The following HOXC13 variants were observed in gnomAD, a reference collection of about 807,000 sequenced individuals.
HOXC13 encodes homeobox protein Hox-C13.
A neutral mutation model predicts 25.9 loss-of-function variants in HOXC13; 10 were observed. The observed-to-expected ratio is 0.39, with a 90% CI of 0.24 to 0.65. The LOEUF (loss-of-function observed/expected upper bound fraction) is 0.65, where lower values mean the gene tolerates loss of function less well. Ranked by LOEUF, HOXC13 falls within the 30% of genes least tolerant of loss-of-function variation. The probability of loss-of-function intolerance (pLI) is 0.50; values close to 1 mark genes in which losing one functional copy is unlikely to be tolerated. For missense variants in HOXC13, 439 were observed against 478.3 expected, an observed-to-expected ratio of 0.92 and a Z score of 0.77; for synonymous variants, 233 against 217.1, an observed-to-expected ratio of 1.07 and a Z score of -0.64.
intron 1 of HOXC13, among the ~76,000 whole-genome samples, chr12:53,943,977 G>C (rs960470291): frequency 2.0e-5 from 3 of 152,182 alleles, no homozygotes; most frequent in Non-Finnish European, 4.4e-5. Flanking sequence ...GTAGAAAATG[G>C]AGTTAGAAGT....
chr12:53,942,053 T>A (rs1565704396), intron 1 of HOXC13, among the ~76,000 whole-genome samples: 1 of 151,556 alleles, frequency 6.6e-6, no homozygotes, highest in East Asian at 1.9e-4. Context: ...ATCCAGATAA[T>A]TAGGGCCAAG....
At position 53,938,939 on chromosome 12, in the gene HOXC13, GC is replaced by G. The variant is rs769714605; in HGVS notation, c.35del (p.Pro12ArgfsTer127). 11 of 1,560,594 alleles carry G rather than the reference GC, an allele frequency of 7.0e-6. No individual in the cohort carries two copies. Among genetic ancestry groups the G allele is most frequent in the Non-Finnish European group, 8.6e-6 (10 of 1,160,284 alleles). ...CTTCGCTGCTCCTGCATCCACGCTG[GC>G]CGGAGAGCCTTATGTACGTCTATGA... is the stretch of plus-strand genomic sequence containing the variant. Reference protein sequence around the residue: ...TTSLLLHPRWPESLMYVYEDS... With the variant: ...TTSLLLHPRWXESLMYVYEDS... On this transcript the variant is annotated frameshift_variant, in exon 1 of 2. Coordinates refer to ENST00000243056, the MANE Select transcript of HOXC13 (RefSeq NM_017410.3). LOFTEE classifies it high-confidence loss of function.
Position 53,939,699 on chromosome 12 carries a change from C to T in HOXC13, c.736+57C>T. 1.6e-6 allele frequency: 2 copies of T among 1,287,408 alleles called. No individual in the cohort carries two copies. Among genetic ancestry groups the T allele is most frequent in the South Asian group, 6.2e-5 (2 of 32,426 alleles). The allele number at this position is 1,287,408 out of a possible 1,614,324, so 79.7% of individuals were successfully genotyped here. ...GGGGACCCCTCCCCGCCCTGCCTGCCCCGGGGCTCCGCGCCCCAACCACCC... is the reference window on the plus strand; with the variant it reads ...GGGGACCCCTCCCCGCCCTGCCTGCTCCGGGGCTCCGCGCCCCAACCACCC... On this transcript the variant is annotated intron_variant, in intron 1 of 1. Coordinates refer to ENST00000243056, the MANE Select transcript of HOXC13 (RefSeq NM_017410.3). The surrounding 1 kb of genome is among the most constrained non-coding windows in gnomAD (Gnocchi z 6.7).
At position 53,945,065 on chromosome 12, in the gene HOXC13, A is replaced by G. The variant is rs376367135; in HGVS notation, c.802A>G (p.Thr268Ala). Residue 268 changes from threonine (T) to alanine (A), a missense_variant, in exon 2 of 2, where the codon ACT becomes GCT. Thr to Ala is a moderately conservative substitution (Grantham distance 58, BLOSUM62 0). Transcript: ENST00000243056. This position sits in a 1 kb window ranked among gnomAD's most constrained non-coding sequence, Gnocchi z 4.4. Reference protein sequence around the residue: ...RRGRKKRVPYTKVQLKELEKE... With the variant: ...RRGRKKRVPYAKVQLKELEKE... Reference sequence around the variant, plus strand: ...CGGGCGCAAGAAACGCGTGCCCTACACTAAGGTGCAGCTGAAGGAGCTAGA... The same window carrying G: ...CGGGCGCAAGAAACGCGTGCCCTACGCTAAGGTGCAGCTGAAGGAGCTAGA... The G allele has an allele frequency of 1.1e-5, 17 of 1,613,988 alleles. No individual in the cohort carries two copies. Among genetic ancestry groups the G allele is most frequent in the African/African-American group, 2.7e-5 (2 of 74,900 alleles).
chr12:53,945,227 T>G lies in HOXC13; in HGVS notation c.964T>G (p.Ser322Ala). 3.1e-6 allele frequency: 5 copies of G among 1,613,902 alleles called. No homozygotes were observed. Among genetic ancestry groups the G allele is most frequent in the Non-Finnish European group, 4.2e-6 (5 of 1,179,964 alleles). ...CAAAGAGAAGAAGGTGGTCAGCAAA[T>G]CGAAAGCGCCTCATCTCCACTCCAC... ...RVKEKKVVSKSKAPHLHST is the reference protein window; with the variant it reads ...RVKEKKVVSKAKAPHLHST The change falls in exon 2 of 2, where the codon TCG becomes GCG. Residue 322 changes from serine to alanine, a missense_variant. By Grantham distance (99) the Ser-to-Ala change is moderately conservative. Coordinates refer to ENST00000243056, the MANE Select transcript of HOXC13 (RefSeq NM_017410.3). This position sits in a 1 kb window ranked among gnomAD's most constrained non-coding sequence, Gnocchi z 4.4.
At position 53,939,101 on chromosome 12, in the gene HOXC13, G is replaced by A. The variant is rs930793324; in HGVS notation, c.195G>A (p.Pro65=). The A allele has an allele frequency of 2.8e-6, 4 of 1,436,042 alleles. No individual in the cohort carries two copies. The highest frequency in any genetic ancestry group is 1.5e-5 in the African/African-American group (1 of 66,468). The allele number at this position is 1,436,042 out of a possible 1,614,324, so 89.0% of individuals were successfully genotyped here. A position where few individuals can be genotyped will look rare whatever the true frequency, so the allele number is the denominator to read the frequency against. The change falls in exon 1 of 2, where the codon CCG becomes CCA. Residue 65 remains proline, a synonymous_variant. Transcript: ENST00000243056. This position sits in a 1 kb window ranked among gnomAD's most constrained non-coding sequence, Gnocchi z 6.7. Reference sequence around the variant, plus strand: ...TGGATGGTCTGGGCAGCAGCTGCCCGGCCAGCCACTGCCGCGACCTGCTTC... The same window carrying A: ...TGGATGGTCTGGGCAGCAGCTGCCCAGCCAGCCACTGCCGCGACCTGCTTC... The part of the protein sequence containing the change: ...PSMDGLGSSC[P]ASHCRDLLPH...
At position 53,945,935 on chromosome 12, in the gene HOXC13, T is replaced by G. The variant is rs1938686297; in HGVS notation, c.*679T>G. On this transcript the variant is annotated 3_prime_UTR_variant, in exon 2 of 2. Coordinates refer to ENST00000243056, the MANE Select transcript of HOXC13 (RefSeq NM_017410.3). The surrounding 1 kb of genome is among the most constrained non-coding windows in gnomAD (Gnocchi z 4.4). ...AGAAACTGCATTTCCTGGGGCCAGG[T>G]GGGAGCTGCCTTTGCCCCACTGCCT... 1 of 232,270 alleles carries G rather than the reference T, an allele frequency of 4.3e-6. No individual in the cohort carries two copies. Among genetic ancestry groups the G allele is most frequent in the Non-Finnish European group, 8.5e-6 (1 of 117,660 alleles). The allele number at this position is 232,270 out of a possible 1,614,324, so 14.4% of individuals were successfully genotyped here. A position where few individuals can be genotyped will look rare whatever the true frequency, so the allele number is the denominator to read the frequency against.
Position 53,939,502 on chromosome 12 carries a change from G to A in HOXC13, c.596G>A (p.Gly199Glu). ...LDVSVVPGISGHPEPRHDALI... is the reference protein window; with the variant it reads ...LDVSVVPGISEHPEPRHDALI... Reference sequence around the variant, plus strand: ...GTGTCGGTGGTGCCCGGGATCAGCGGGCACCCGGAGCCGCGTCACGACGCC... The same window carrying A: ...GTGTCGGTGGTGCCCGGGATCAGCGAGCACCCGGAGCCGCGTCACGACGCC... Residue 199 changes from glycine to glutamate, a missense_variant, in exon 1 of 2, where the codon GGG (glycine) becomes GAG (glutamate). Gly to Glu is a moderately conservative substitution (Grantham distance 98). Transcript: ENST00000243056. This position sits in a 1 kb window ranked among gnomAD's most constrained non-coding sequence, Gnocchi z 6.7. 2 of 1,610,628 alleles carry A rather than the reference G, an allele frequency of 1.2e-6. No homozygotes were observed. Among genetic ancestry groups the A allele is most frequent in the Non-Finnish European group, 8.5e-7 (1 of 1,179,670 alleles).
intron 1 of HOXC13, among the ~76,000 whole-genome samples, chr12:53,941,904 C>T (rs536929651): frequency 8.8e-4 from 134 of 152,316 alleles, no homozygotes; most frequent in African/African-American, 3.2e-3. Flanking sequence ...TTCAAGATAA[C>T]TCTGTCTGTG....
intron 1 of HOXC13, among the ~76,000 whole-genome samples, chr12:53,942,311 G>A (rs1938625715): frequency 6.6e-6 from 1 of 150,704 alleles, no homozygotes; most frequent in Admixed American, 6.7e-5. Flanking sequence ...CACACTAGAA[G>A]TCTTTACTGA....
intron 1 of HOXC13, among the ~76,000 whole-genome samples, chr12:53,940,392 T>C (rs1938591047): frequency 2.0e-5 from 3 of 152,206 alleles, no homozygotes; most frequent in Admixed American, 2.0e-4. Flanking sequence ...AGTTAGTTAT[T>C]GGTGCCCCAG....
At chr12:53,942,800 A>G (rs1048615798) in intron 1 of HOXC13, among the ~76,000 whole-genome samples, 17 of 152,220 alleles carry the variant, frequency 1.1e-4, no homozygotes, top group African/African-American at 4.1e-4. Flanking sequence ...ATCCAGGACA[A>G]ATTGGCTAAA....
intron 1 of HOXC13, among the ~76,000 whole-genome samples, chr12:53,942,429 G>A (rs1338547632): frequency 6.6e-6 from 1 of 151,050 alleles, no homozygotes; most frequent in Non-Finnish European, 1.5e-5. Flanking sequence ...GGTCAAGGGT[G>A]GGTGGGCTGT....
chr12:53,939,242 C>G lies in HOXC13; in HGVS notation c.336C>G (p.Pro112=), dbSNP rs1484885844. The change falls in exon 1 of 2, where the codon CCC becomes CCG. Residue 112 remains proline, a synonymous_variant. Coordinates refer to ENST00000243056, the MANE Select transcript of HOXC13 (RefSeq NM_017410.3). This position sits in a 1 kb window ranked among gnomAD's most constrained non-coding sequence, Gnocchi z 6.7. ...AGTGTGCCCCGCCGCCCGCACCCCC[C>G]ACCTCGTCCAGCGCCACCCTGGGCT... ...ARQCAPPPAP[P]TSSSATLGYG... The G allele has an allele frequency of 1.9e-6, 3 of 1,543,688 alleles. No homozygotes were observed. The highest frequency in any genetic ancestry group is 1.7e-6 in the Non-Finnish European group (2 of 1,146,162).
chr12:53,938,966 G>T lies in HOXC13; in HGVS notation c.60G>T (p.Glu20Asp). 6.5e-7 allele frequency: 1 copy of T among 1,537,668 alleles called. No homozygotes were observed. Among genetic ancestry groups the T allele is most frequent in the Non-Finnish European group, 8.7e-7 (1 of 1,148,200 alleles). The change falls in exon 1 of 2, where the codon GAG becomes GAT. Residue 20 changes from glutamate (E) to aspartate (D), a missense_variant. By Grantham distance (45) the Glu-to-Asp change is conservative. Transcript: ENST00000243056. ...CGGAGAGCCTTATGTACGTCTATGA[G>T]GACAGCGCGGCGGAGAGCGGCATCG... is the stretch of plus-strand genomic sequence containing the variant. ...RWPESLMYVY[E>D]DSAAESGIGG...
Position 53,938,849 on chromosome 12 carries a change from T to A in HOXC13, c.-58T>A. 1.4e-6 allele frequency: 2 copies of A among 1,414,092 alleles called. No homozygotes were observed. Among genetic ancestry groups the A allele is most frequent in the Admixed American group, 4.5e-5 (2 of 44,356 alleles). 87.6% of individuals were successfully genotyped at this position (1,414,092 alleles called of 1,614,324 possible). On this transcript the variant is annotated 5_prime_UTR_variant, in exon 1 of 2. Coordinates refer to ENST00000243056, the MANE Select transcript of HOXC13 (RefSeq NM_017410.3). The stretch of plus-strand genomic sequence containing the variant: ...GGAGGGGAAACAGGAGCGAGGTGTC[T>A]CCCTAGCTCGCTGCCTCTGGCAAGT...
chr12:53,945,404 GCCGTGCTGCTGGGCCATC>G lies in HOXC13; in HGVS notation c.*151_*168del. On this transcript the variant is annotated 3_prime_UTR_variant, in exon 2 of 2. Transcript: ENST00000243056. This position sits in a 1 kb window ranked among gnomAD's most constrained non-coding sequence, Gnocchi z 4.4. ...CGCCCGGAGGCAGAGAGGCTCCATG[GCCGTGCTGCTGGGCCATC>G]CCCAACTCCCTATCCCATCCCCAGC... The G allele has an allele frequency of 1.1e-6, 1 of 922,438 alleles. No homozygotes were observed. The highest frequency in any genetic ancestry group is 1.6e-6 in the Non-Finnish European group (1 of 612,858). The allele number at this position is 922,438 out of a possible 1,614,324, so 57.1% of individuals were successfully genotyped here. A position where few individuals can be genotyped will look rare whatever the true frequency, so the allele number is the denominator to read the frequency against.
At chr12:53,942,878 T>C (rs1215125945) in intron 1 of HOXC13, among the ~76,000 whole-genome samples, 1 of 152,236 alleles carries the variant, frequency 6.6e-6, no homozygotes, top group Non-Finnish European at 1.5e-5. Flanking sequence ...TAAACTGATT[T>C]TTTTTAGGGT....
At position 53,939,617 on chromosome 12, in the gene HOXC13, C is replaced by T; in HGVS notation, c.711C>T (p.Ala237=). ...GCTCCAAGGAGCAGTCGCAGTCCGC[C>T]CACCTCTGGAAGTCTCCCTTCCCAG... ...VYCSKEQSQS[A]HLWKSPFPDV... The change falls in exon 1 of 2, where the codon GCC becomes GCT. Residue 237 remains alanine, a synonymous_variant. Transcript: ENST00000243056. This position sits in a 1 kb window ranked among gnomAD's most constrained non-coding sequence, Gnocchi z 6.7. 1 of 1,538,042 alleles carries T rather than the reference C, an allele frequency of 6.5e-7. No homozygotes were observed.
Sources: gnomAD v4.1 joint callset for allele counts (sites outside exome capture counted in the v4.1 genomes callset) on GRCh38, gnomAD v4.1.1 for gene constraint, Gnocchi (gnomAD v3.1) non-coding constraint, MANE v1.5 for transcripts, NCBI Gene and HGNC (gene_info 2026-07-23, HGNC 2026-07-21) for gene names.